TMEM147: variants seen among roughly 807,000 people sequenced by gnomAD.
TMEM147 encodes BOS complex subunit TMEM147.
Under a neutral mutation model 29.4 loss-of-function variants are expected in TMEM147, and 29 were observed. That is an observed-to-expected ratio of 0.99 (90% CI 0.73 to 1.34). The LOEUF (loss-of-function observed/expected upper bound fraction) is 1.34. Among genes scored for constraint, TMEM147 ranks in the 40% most tolerant of loss-of-function variants. TMEM147 has a pLI of 0.00. For missense variants in TMEM147, 260 were observed against 289.4 expected (o/e 0.90, Z 0.74); for synonymous variants, 121 against 111.8 (o/e 1.08, Z -0.52).
In TMEM147 at chr19:35,546,565, G is replaced by T; in HGVS notation, c.187G>T (p.Gly63Cys). ...LATFFPTWEG[G>C]IYDFIGEFMK... ...CACTTTCTTTCCCACCTGGGAAGGC[G>T]GCATCTATGACTTCATTGGGGTGAG... Residue 63 changes from glycine (G) to cysteine (C), a missense_variant, in exon 3 of 7, where the codon GGC becomes TGC. Physicochemically the swap from Gly to Cys is radical, Grantham distance 159. Transcript: ENST00000222284. The T allele has an allele frequency of 6.2e-7, 1 of 1,613,482 alleles. No homozygotes were observed. The highest frequency in any genetic ancestry group is 8.5e-7 in the Non-Finnish European group (1 of 1,179,804).
chr19:35,546,368 G>T, intron 2 of TMEM147, 158 bp from the exon 3 acceptor site: 1 of 833,572 alleles, frequency 1.2e-6, no homozygotes, highest in Non-Finnish European at 1.8e-6. Flanking sequence ...CTATCTCCCC[G>T]ATTCCTGTAA....
Position 35,545,780 on chromosome 19 carries a change from AC to A in TMEM147, c.42del (p.Phe15SerfsTer58), listed in dbSNP as rs1196097748. The A allele has an allele frequency of 6.2e-7, 1 of 1,613,644 alleles. No individual in the cohort carries two copies. Among genetic ancestry groups the A allele is most frequent in the Non-Finnish European group, 8.5e-7 (1 of 1,179,870 alleles). On this transcript the variant is annotated frameshift_variant, in exon 1 of 7. Transcript: ENST00000222284. LOFTEE classifies it high-confidence loss of function. ...FHFGNCFALA[Y>X]FPYFITYKCS... ...TTCGGGAACTGCTTCGCTCTTGCCT[AC>A]TTCCCCTACTTCATCACCTACAAGT...
chr19:35,547,040 G>A lies in TMEM147; in HGVS notation c.429+11G>A, dbSNP rs369084912. On this transcript the variant is annotated intron_variant, in intron 5 of 6. Transcript: ENST00000222284. Reference sequence around the variant, plus strand: ...TCCAACATCAGTCTGGTAGGCAGTCGTGCTCTCCCACATACACATTTCTGC... The same window carrying A: ...TCCAACATCAGTCTGGTAGGCAGTCATGCTCTCCCACATACACATTTCTGC... 15 of 1,614,086 alleles carry A rather than the reference G, an allele frequency of 9.3e-6. No individual in the cohort carries two copies. Among genetic ancestry groups the A allele is most frequent in the Non-Finnish European group, 1.2e-5 (14 of 1,180,050 alleles).
chr19:35,546,097 C>G lies in TMEM147; in HGVS notation c.147+140C>G, dbSNP rs1246445407. ...TCCGCACTGGGAGGCGTCAGGATAC[C>G]TAGAGAGGATGGACTTTAAAGAGGG... is the stretch of plus-strand genomic sequence containing the variant. On this transcript the variant is annotated intron_variant, in intron 2 of 6. Coordinates refer to ENST00000222284, the MANE Select transcript of TMEM147 (RefSeq NM_032635.4). 6.3e-6 allele frequency: 6 copies of G among 958,200 alleles called. No individual in the cohort carries two copies. The Admixed American group carries it at 1.3e-4, about 20-fold the overall frequency. 59.4% of individuals were successfully genotyped at this position (958,200 alleles called of 1,614,324 possible).
Position 35,546,943 on chromosome 19 carries a change from A to C in TMEM147, c.345-2A>C. On this transcript the variant is annotated splice_acceptor_variant, in intron 4 of 6. Coordinates refer to ENST00000222284, the MANE Select transcript of TMEM147 (RefSeq NM_032635.4). LOFTEE classifies it high-confidence loss of function. Reference sequence around the variant, plus strand: ...GAGAATCCCATCCTTTGCCTTCCTCAGCTGCATTCCCCTATGGGTCGGAGC... The same window carrying C: ...GAGAATCCCATCCTTTGCCTTCCTCCGCTGCATTCCCCTATGGGTCGGAGC... 1.2e-6 allele frequency: 2 copies of C among 1,614,176 alleles called. No homozygotes were observed. Among genetic ancestry groups the C allele is most frequent in the South Asian group, 2.2e-5 (2 of 91,092 alleles).
At position 35,546,571 on chromosome 19, in the gene TMEM147, T is replaced by A. The variant is rs1265488945; in HGVS notation, c.193T>A (p.Tyr65Asn). ...CTTTCCCACCTGGGAAGGCGGCATC[T>A]ATGACTTCATTGGGGTGAGAGGGGC... ...TFFPTWEGGI[Y>N]DFIGEFMKAS... The change falls in exon 3 of 7, where the codon TAT becomes AAT. Residue 65 changes from tyrosine to asparagine, a missense_variant. Tyr to Asn is a moderately radical substitution (Grantham distance 143, BLOSUM62 -2). Coordinates refer to ENST00000222284, the MANE Select transcript of TMEM147 (RefSeq NM_032635.4). 1 of 1,613,506 alleles carries A rather than the reference T, an allele frequency of 6.2e-7. No individual in the cohort carries two copies.
intron 4 of TMEM147, 32 bp downstream of exon 4, chr19:35,546,840 G>A: frequency 6.2e-7 from 1 of 1,614,162 alleles, no homozygotes. Context: ...CCAGACCCCT[G>A]AGAAGGGACA....
At chr19:35,546,397 G>T (rs1269431025) in intron 2 of TMEM147, 129 bp from the exon 3 acceptor site, 2 of 1,101,674 alleles carry the variant, frequency 1.8e-6, no homozygotes, top group Admixed American at 5.7e-5. Context: ...CCATCTGGTG[G>T]TTCCTCTTCC....
In TMEM147 at chr19:35,547,128, A is replaced by G. The variant is rs1187585806; in HGVS notation, c.439A>G (p.Ile147Val). 3 of 1,614,100 alleles carry G rather than the reference A, an allele frequency of 1.9e-6. No individual in the cohort carries two copies. The highest frequency in any genetic ancestry group is 3.3e-5 in the Admixed American group (2 of 60,022). Residue 147 changes from isoleucine (I) to valine (V), a missense_variant, in exon 6 of 7, where the codon ATC becomes GTC. By Grantham distance (29) the Ile-to-Val change is conservative. Transcript: ENST00000222284. ...TTCTGCCTCCCTCTAGGTCCATTAC[A>G]TCGTCGCGTCTGCTCAGGTCTGGAT... ...IDSNISLVHY[I>V]VASAQVWMIT... is the part of the protein sequence containing the mutation.
At chr19:35,546,039 C>A in intron 2 of TMEM147, 82 bp downstream of exon 2, 1 of 1,480,682 alleles carries the variant, frequency 6.8e-7, no homozygotes, top group South Asian at 1.2e-5. Flanking sequence ...TATCCGCGCC[C>A]CCGCCGCCCC....
chr19:35,546,053 G>A, intron 2 of TMEM147, 96 bp downstream of exon 2: 1 of 1,390,422 alleles, frequency 7.2e-7, no homozygotes, highest in Non-Finnish European at 9.9e-7. Context: ...CCGCCCCACG[G>A]TGGGACCGCC....
At chr19:35,546,066 C>T (rs1003549329) in intron 2 of TMEM147, 109 bp downstream of exon 2, 6 of 1,232,204 alleles carry the variant, frequency 4.9e-6, no homozygotes, top group African/African-American at 3.0e-5. Context: ...GGACCGCCCT[C>T]GGGACTCCGC....
In TMEM147 at chr19:35,546,668, G is replaced by C; in HGVS notation, c.208-4G>C. 6.2e-7 allele frequency: 1 copy of C among 1,612,360 alleles called. No individual in the cohort carries two copies. The highest frequency in any genetic ancestry group is 8.5e-7 in the Non-Finnish European group (1 of 1,178,750). The stretch of plus-strand genomic sequence containing the variant: ...GCTTACTTAAGCCTCAACCTGACCC[G>C]CAGGAGTTCATGAAGGCCAGCGTGG... On this transcript the variant is annotated splice_polypyrimidine_tract_variant and splice_region_variant and intron_variant, in intron 3 of 6. Transcript: ENST00000222284.
At chr19:35,546,267 A>C (rs1390048730) in intron 2 of TMEM147, 2 of 599,780 alleles carry the variant, frequency 3.3e-6, no homozygotes, top group African/African-American at 3.7e-5. Flanking sequence ...AACACTGCCC[A>C]AGGAGCAGCA....
intron 2 of TMEM147, 166 bp from the exon 3 acceptor site, chr19:35,546,360 A>C: frequency 1.3e-6 from 1 of 775,156 alleles, no homozygotes; most frequent in Non-Finnish European, 2.0e-6. Context: ...CCTATCCTCT[A>C]TCTCCCCGAT....
At position 35,547,372 on chromosome 19, in the gene TMEM147, C is replaced by T. The variant is rs147393536; in HGVS notation, c.600C>T (p.Ala200=). 36 of 1,613,840 alleles carry T rather than the reference C, an allele frequency of 2.2e-5. No homozygotes were observed. The highest frequency in any genetic ancestry group is 2.9e-5 in the Non-Finnish European group (34 of 1,180,034). The change falls in exon 7 of 7, where the codon GCC becomes GCT. Residue 200 remains alanine, a synonymous_variant. Transcript: ENST00000222284. ...TGGGCAGTTGGGCAGCTCTACTGGC[C>T]CGAGCAGTGGTAACGGGGCTGCTGG... ...CSLGSWAALL[A]RAVVTGLLAL... is the part of the protein sequence containing the mutation.
At position 35,545,873 on chromosome 19, in the gene TMEM147, C is replaced by G. The variant is rs779858160; in HGVS notation, c.78-15C>G. On this transcript the variant is annotated splice_polypyrimidine_tract_variant and intron_variant, in intron 1 of 6. Coordinates refer to ENST00000222284, the MANE Select transcript of TMEM147 (RefSeq NM_032635.4). Reference sequence around the variant, plus strand: ...GCGCGGGGCCCGGGCCGACCCTCACCTCCCGCTTCTCCAGGTCCGAGTACA... The same window carrying G: ...GCGCGGGGCCCGGGCCGACCCTCACGTCCCGCTTCTCCAGGTCCGAGTACA... The G allele has an allele frequency of 4.3e-6, 7 of 1,613,942 alleles. No individual in the cohort carries two copies. Among genetic ancestry groups the G allele is most frequent in the Non-Finnish European group, 5.9e-6 (7 of 1,179,920 alleles).
chr19:35,547,127 C>T lies in TMEM147; in HGVS notation c.438C>T (p.Tyr146=). The change falls in exon 6 of 7, where the codon TAC becomes TAT. Residue 146 remains tyrosine (Y), a synonymous_variant. Coordinates refer to ENST00000222284, the MANE Select transcript of TMEM147 (RefSeq NM_032635.4). ...TTTCTGCCTCCCTCTAGGTCCATTACATCGTCGCGTCTGCTCAGGTCTGGA... is the reference window on the plus strand; with the variant it reads ...TTTCTGCCTCCCTCTAGGTCCATTATATCGTCGCGTCTGCTCAGGTCTGGA... The part of the protein sequence containing the change: ...SIDSNISLVH[Y]IVASAQVWMI... 1 of 1,614,234 alleles carries T rather than the reference C, an allele frequency of 6.2e-7. No homozygotes were observed. Among genetic ancestry groups the T allele is most frequent in the Non-Finnish European group, 8.5e-7 (1 of 1,180,050 alleles).
chr19:35,547,434 A>C lies in TMEM147; in HGVS notation c.662A>C (p.Asn221Thr). The C allele has an allele frequency of 6.2e-7, 1 of 1,613,528 alleles. No individual in the cohort carries two copies. The stretch of plus-strand genomic sequence containing the variant: ...TTGGCCCTGTATGTCGCCGTTGTCA[A>C]TGTGCACTCCTAGGCTTGGTGTCTC... ...STLALYVAVVNVHS is the reference protein window; with the variant it reads ...STLALYVAVVTVHS The change falls in exon 7 of 7, where the codon AAT becomes ACT. Residue 221 changes from asparagine (N) to threonine (T), a missense_variant. Coordinates refer to ENST00000222284, the MANE Select transcript of TMEM147 (RefSeq NM_032635.4).
Sources: allele counts gnomAD v4.1 joint callset, GRCh38; gene constraint gnomAD v4.1.1; transcripts MANE v1.5; gene names NCBI Gene and HGNC (gene_info 2026-07-23, HGNC 2026-07-21).